The following TRDN variants were observed in gnomAD, a reference collection of about 807,000 sequenced individuals.
The protein encoded by TRDN is triadin in skeletal muscle.
A neutral mutation model predicts 149.7 loss-of-function variants in TRDN; 161 were observed. That is an observed-to-expected ratio of 1.08 (90% CI 0.95 to 1.23). TRDN has a LOEUF of 1.23. Among genes scored for constraint, TRDN ranks in the 50% most tolerant of loss-of-function variants. The pLI is 0.00. For missense variants in TRDN, 896 were observed against 823.5 expected (o/e 1.09, Z -1.08); for synonymous variants, 294 against 250.5 (o/e 1.17, Z -1.64).
At chr6:123,621,291 T>C (rs1785370493) in intron 1 of TRDN, among the ~76,000 whole-genome samples, 1 of 152,110 alleles carries the variant, frequency 6.6e-6, no homozygotes, top group Non-Finnish European at 1.5e-5. Context: ...CTAGATCAAT[T>C]TCTTCTAAAA....
At chr6:123,343,783 A>G (rs1006606768) in intron 21 of TRDN, among the ~76,000 whole-genome samples, 4 of 152,066 alleles carry the variant, frequency 2.6e-5, no homozygotes, top group Non-Finnish European at 5.9e-5. Flanking sequence ...GAGTAGATTT[A>G]TGATTACAGC....
intron 12 of TRDN, among the ~76,000 whole-genome samples, chr6:123,418,970 G>A (rs1018709195): frequency 2.0e-5 from 3 of 151,998 alleles, no homozygotes; most frequent in Non-Finnish European, 2.9e-5. Flanking sequence ...TCGCTGATGG[G>A]AAGAGAGATT....
intron 9 of TRDN, among the ~76,000 whole-genome samples, chr6:123,481,350 T>A (rs1466182378): frequency 6.6e-6 from 1 of 150,410 alleles, no homozygotes; most frequent in Non-Finnish European, 1.5e-5. Flanking sequence ...ATATTTAAAT[T>A]ATAAGGGAAA....
intron 1 of TRDN, among the ~76,000 whole-genome samples, chr6:123,622,729 G>A (rs9320946): frequency 0.055 from 8,408 of 152,000 alleles, 248 homozygotes; most frequent in Non-Finnish European, 0.058. Context: ...GAGTTCTTGC[G>A]CATTTTGGCC....
intron 1 of TRDN, among the ~76,000 whole-genome samples, chr6:123,613,565 T>A (rs904260216): frequency 3.3e-5 from 5 of 152,144 alleles, no homozygotes; most frequent in Admixed American, 2.6e-4. Context: ...TTGCAGTGCC[T>A]TGTAGAGAGA....
At chr6:123,269,775 A>G in intron 31 of TRDN, 74 bp downstream of exon 31, 1 of 1,504,730 alleles carries the variant, frequency 6.6e-7, no homozygotes, top group Non-Finnish European at 9.1e-7. Context: ...TTTTTCTTAA[A>G]AAAACTAAGC....
intron 13 of TRDN, among the ~76,000 whole-genome samples, chr6:123,390,201 A>G (rs1322659349): frequency 6.6e-6 from 1 of 152,166 alleles, no homozygotes; most frequent in African/African-American, 2.4e-5. Flanking sequence ...GGCCTTGACC[A>G]ACGCCAAAAA....
intron 9 of TRDN, among the ~76,000 whole-genome samples, chr6:123,481,654 C>T (rs1177465503): frequency 2.6e-5 from 4 of 152,174 alleles, no homozygotes; most frequent in African/African-American, 9.6e-5. Flanking sequence ...ATACCATTAG[C>T]ACTCAGTACC....
At chr6:123,349,020 T>C (rs1195538454) in intron 21 of TRDN, among the ~76,000 whole-genome samples, 1 of 152,152 alleles carries the variant, frequency 6.6e-6, no homozygotes, top group Non-Finnish European at 1.5e-5. Flanking sequence ...ATGTTAACAA[T>C]ATGAACTTCC....
intron 1 of TRDN, among the ~76,000 whole-genome samples, chr6:123,630,568 TAC>T (rs1402777443): frequency 6.6e-6 from 1 of 151,512 alleles, no homozygotes; most frequent in Non-Finnish European, 1.5e-5. Context: ...AATTTTAAAT[TAC>T]AGTCATAATG....
chr6:123,332,938 C>T (rs1313867970), intron 22 of TRDN, among the ~76,000 whole-genome samples: 2 of 151,920 alleles, frequency 1.3e-5, no homozygotes, highest in African/African-American at 4.8e-5. Context: ...GTCGGGTAAG[C>T]TGTAGCTTTA....
At chr6:123,360,842 G>A (rs1200777964) in intron 20 of TRDN, among the ~76,000 whole-genome samples, 1 of 152,084 alleles carries the variant, frequency 6.6e-6, no homozygotes, top group Non-Finnish European at 1.5e-5. Flanking sequence ...CAAGAAAGAG[G>A]AGGACGCCAC....
chr6:123,443,101 C>A (rs1775028821), intron 10 of TRDN, among the ~76,000 whole-genome samples: 1 of 151,716 alleles, frequency 6.6e-6, no homozygotes, highest in Non-Finnish European at 1.5e-5. Flanking sequence ...GAATGGGTAA[C>A]CTAAAAAGAG....
At chr6:123,342,524 A>G (rs919515990) in intron 21 of TRDN, among the ~76,000 whole-genome samples, 4 of 151,912 alleles carry the variant, frequency 2.6e-5, no homozygotes, top group African/African-American at 9.7e-5. Flanking sequence ...ATGATAAAGC[A>G]TTATTTTGTG....
chr6:123,516,170 A>G lies in TRDN; in HGVS notation c.521T>C (p.Val174Ala). 6.7e-7 allele frequency: 1 copy of G among 1,491,078 alleles called. No individual in the cohort carries two copies. The highest frequency in any genetic ancestry group is 1.2e-5 in the South Asian group (1 of 81,104). The allele number at this position is 1,491,078 out of a possible 1,614,324, so 92.4% of individuals were successfully genotyped here. The change falls in exon 6 of 41, where the codon GTA becomes GCA. Residue 174 changes from valine to alanine, a missense_variant. By Grantham distance (64) the Val-to-Ala change is moderately conservative. Coordinates refer to ENST00000334268, the MANE Select transcript of TRDN (RefSeq NM_006073.4). ...HKEKEKGKEKVREKEKPEKKA... is the reference protein window; with the variant it reads ...HKEKEKGKEKAREKEKPEKKA... ...CTTTTCAGGTTTTTCTTTTTCTCTT[A>G]CTTTTTCTTTTCCTTTTTCTTTTTC... is the stretch of plus-strand genomic sequence containing the variant.
intron 38 of TRDN, among the ~76,000 whole-genome samples, chr6:123,240,994 C>G (rs552791855): frequency 5.7e-4 from 87 of 151,758 alleles, no homozygotes; most frequent in Non-Finnish European, 1.0e-3. Context: ...AAGATGCTAT[C>G]AACATAAAAT....
chr6:123,280,980 T>C (rs1485532339), intron 24 of TRDN, among the ~76,000 whole-genome samples: 1 of 151,992 alleles, frequency 6.6e-6, no homozygotes, highest in Non-Finnish European at 1.5e-5. Context: ...ACAAATAAGG[T>C]AAAAAATTGA....
At chr6:123,244,534 A>C (rs1468233142) in intron 38 of TRDN, among the ~76,000 whole-genome samples, 2 of 152,188 alleles carry the variant, frequency 1.3e-5, no homozygotes, top group African/African-American at 4.8e-5. Context: ...ATGTGAATTC[A>C]AGATTAGAGA....
intron 24 of TRDN, among the ~76,000 whole-genome samples, chr6:123,309,857 G>A (rs770165570): frequency 5.9e-5 from 9 of 151,868 alleles, no homozygotes; most frequent in Non-Finnish European, 7.4e-5. Context: ...TATATAAATC[G>A]ATTATAAAAA....
Sources: allele counts gnomAD v4.1 joint callset (sites outside exome capture counted in the v4.1 genomes callset), GRCh38; gene constraint gnomAD v4.1.1; transcripts MANE v1.5; gene names NCBI Gene and HGNC (gene_info 2026-07-23, HGNC 2026-07-21).